The following IQSEC1 variants were observed in gnomAD, a reference collection of about 807,000 sequenced individuals.
IQSEC1 encodes IQ motif and SEC7 domain-containing protein 1.
In IQSEC1, 31 loss-of-function variants were observed where a neutral mutation model predicts 91.0. That is an observed-to-expected ratio of 0.34 (90% CI 0.26 to 0.46). IQSEC1 has a LOEUF of 0.46. Ranked by LOEUF, IQSEC1 falls within the 20% of genes least tolerant of loss-of-function variation. The pLI, the probability that IQSEC1 is intolerant of heterozygous loss-of-function variation, is 1.00. For synonymous variants in IQSEC1, 699 were observed against 662.6 expected, an observed-to-expected ratio of 1.05 and a Z score of -0.84; for missense variants, 1,388 against 1,575.6, an observed-to-expected ratio of 0.88 and a Z score of 2.02.
chr3:13,031,355 C>T (rs1208651815), intron 1 of IQSEC1, among the ~76,000 whole-genome samples: 1 of 152,246 alleles, frequency 6.6e-6, no homozygotes, highest in Non-Finnish European at 1.5e-5. Flanking sequence ...CCCCTGCCTA[C>T]AGCAGGGAGG....
At chr3:12,902,989 C>T (rs1383025650) in intron 12 of IQSEC1, among the ~76,000 whole-genome samples, 167 bp from the exon 13 acceptor site, 1 of 151,692 alleles carries the variant, frequency 6.6e-6, no homozygotes, top group African/African-American at 2.4e-5. Flanking sequence ...GGAGGAGGGG[C>T]TCAGTGGGGA....
intron 2 of IQSEC1, among the ~76,000 whole-genome samples, chr3:13,136,143 C>G (rs1242715843): frequency 6.6e-6 from 1 of 152,228 alleles, no homozygotes; most frequent in Non-Finnish European, 1.5e-5. Flanking sequence ...AGAATAGAAA[C>G]TTGGCTGAGG....
intron 7 of IQSEC1, 72 bp downstream of exon 7, chr3:12,915,522 G>A: frequency 5.8e-6 from 9 of 1,538,690 alleles, no homozygotes; most frequent in Middle Eastern, 3.5e-4. Flanking sequence ...GTGGGTGGGA[G>A]TGAGAAGGCC....
At chr3:13,226,991 G>A (rs1420987015) in intron 1 of IQSEC1, among the ~76,000 whole-genome samples, 2 of 152,114 alleles carry the variant, frequency 1.3e-5, no homozygotes, top group Non-Finnish European at 2.9e-5. Context: ...CTCCTCGTTT[G>A]GGATCGTTTG....
intron 1 of IQSEC1, among the ~76,000 whole-genome samples, chr3:13,218,666 T>A (rs1474314031): frequency 6.6e-6 from 1 of 151,974 alleles, no homozygotes; most frequent in African/African-American, 2.4e-5. Flanking sequence ...CAGGTGGAGG[T>A]GAGGGGTGGC....
At chr3:12,938,752 C>A (rs1172755833) in intron 2 of IQSEC1, among the ~76,000 whole-genome samples, 1 of 152,156 alleles carries the variant, frequency 6.6e-6, no homozygotes, top group Non-Finnish European at 1.5e-5. Context: ...CCCGCAGGGC[C>A]TTCTCACCTG....
rs1298083080 is a variant in IQSEC1 at position 12,900,459 on chromosome 3, ATATATATATT to A, written c.*514_*523del. 9.0e-5 allele frequency: 65 copies of A among 725,460 alleles called. No homozygotes were observed. The highest frequency in any genetic ancestry group is 8.9e-5 in the Non-Finnish European group (53 of 595,430). The allele number at this position is 725,460 out of a possible 1,614,324, so 44.9% of individuals were successfully genotyped here. A position where few individuals can be genotyped will look rare whatever the true frequency, so the allele number is the denominator to read the frequency against. ...CAAGTACTACCTATACAGTATATAT[ATATATATATT>A]TATATATTTATATATTTATATAAAG... On this transcript the variant is annotated 3_prime_UTR_variant, in exon 14 of 14. Transcript: ENST00000613206.
At chr3:13,199,659 T>G (rs1178904379) in intron 1 of IQSEC1, among the ~76,000 whole-genome samples, 1 of 152,104 alleles carries the variant, frequency 6.6e-6, no homozygotes, top group African/African-American at 2.4e-5. Context: ...CATATAGGCT[T>G]CCTGCGCCAC....
At chr3:13,210,258 G>A (rs1364390388) in intron 1 of IQSEC1, among the ~76,000 whole-genome samples, 2 of 152,034 alleles carry the variant, frequency 1.3e-5, no homozygotes, top group Non-Finnish European at 2.9e-5. Flanking sequence ...GACCCAGTGA[G>A]GTAGAATGAA....
chr3:12,987,638 T>G (rs893457714), intron 1 of IQSEC1, among the ~76,000 whole-genome samples: 1 of 152,182 alleles, frequency 6.6e-6, no homozygotes, highest in African/African-American at 2.4e-5. Flanking sequence ...CCCAACACCC[T>G]GTAAAGAGTG....
intron 1 of IQSEC1, among the ~76,000 whole-genome samples, chr3:13,228,292 T>TC (rs1559281539): frequency 1.3e-5 from 2 of 151,830 alleles, no homozygotes; most frequent in Non-Finnish European, 2.9e-5. Context: ...TCACTAAAGA[T>TC]CCCCATTTAC....
rs762320202 is a variant in IQSEC1, at chr3:12,967,075, C to T, written c.24-25210G>A. 5.9e-5 allele frequency among the ~76,000 whole-genome samples: 9 copies of T among 151,486 alleles called. No individual in the cohort carries two copies. The highest frequency in any genetic ancestry group is 1.0e-4 in the Non-Finnish European group (7 of 67,890). ...CCCCAAACTCAAACTCACCCCCACA[C>T]CAACTTGCACTCCAACAGGCCCTCG... On this transcript the variant is annotated intron_variant, in intron 1 of 13. Coordinates refer to ENST00000613206, the MANE Select transcript of IQSEC1 (RefSeq NM_001134382.3). This position sits in a 1 kb window ranked among gnomAD's most constrained non-coding sequence, Gnocchi z 5.9.
At chr3:13,217,386 T>C (rs950723760) in intron 1 of IQSEC1, among the ~76,000 whole-genome samples, 4 of 152,236 alleles carry the variant, frequency 2.6e-5, no homozygotes, top group African/African-American at 9.6e-5. Context: ...CACTTGGCAT[T>C]GTGTTTTTGA....
chr3:13,077,560 C>T (rs1705582118), upstream of IQSEC1, among the ~76,000 whole-genome samples: 1 of 152,258 alleles, frequency 6.6e-6, no homozygotes, highest in African/African-American at 2.4e-5. Context: ...CTCTTCCATG[C>T]TGAGTTCCCA....
At position 13,035,340 on chromosome 3, in the gene IQSEC1, C is replaced by A. The variant is rs186299755; in HGVS notation, c.23+37652G>T. Among the ~76,000 whole-genome samples, 296 of 152,330 alleles carry A rather than the reference C, an allele frequency of 1.9e-3. 2 individuals are homozygous for A. The highest frequency in any genetic ancestry group is 6.4e-3 in the African/African-American group (266 of 41,570). On this transcript the variant is annotated intron_variant, in intron 1 of 13. Transcript: ENST00000613206. Reference sequence around the variant, plus strand: ...AGACACTAGGCACCATCTGCACATCCTTCTCAGGACTCTTCTGCCAAGGAC... The same window carrying A: ...AGACACTAGGCACCATCTGCACATCATTCTCAGGACTCTTCTGCCAAGGAC...
chr3:13,022,233 G>A (rs1703433935), intron 1 of IQSEC1: 6 of 1,227,748 alleles, frequency 4.9e-6, no homozygotes, highest in Non-Finnish European at 6.1e-6. Context: ...GTAGGAAGAA[G>A]AAAGAAAAGC....
Position 13,073,061 on chromosome 3 carries a change from G to C in IQSEC1, c.-47C>G. ...CTGTTCTGGCTCCCTCTCCAGCGGG[G>C]AGGCTCAACGTGTTTCCAAGAGGAG... On this transcript the variant is annotated 5_prime_UTR_variant, in exon 1 of 14. Coordinates refer to ENST00000613206, the MANE Select transcript of IQSEC1 (RefSeq NM_001134382.3). 1 of 1,551,456 alleles carries C rather than the reference G, an allele frequency of 6.4e-7. No individual in the cohort carries two copies. Among genetic ancestry groups the C allele is most frequent in the Non-Finnish European group, 8.7e-7 (1 of 1,146,770 alleles).
intron 1 of IQSEC1, among the ~76,000 whole-genome samples, chr3:12,977,625 T>A (rs1174818635): frequency 6.6e-6 from 1 of 152,194 alleles, no homozygotes; most frequent in African/African-American, 2.4e-5. Context: ...CTGCCTTTTA[T>A]GTAGTGAGTT....
chr3:13,267,692 A>T (rs1255293095), intron 1 of IQSEC1, among the ~76,000 whole-genome samples: 1 of 144,732 alleles, frequency 6.9e-6, no homozygotes, highest in African/African-American at 2.6e-5. Context: ...ATCTCCGCTC[A>T]CTGCAAGCTC....
Sources: allele counts gnomAD v4.1 joint callset (sites outside exome capture counted in the v4.1 genomes callset), GRCh38; gene constraint gnomAD v4.1.1; non-coding constraint Gnocchi (gnomAD v3.1); transcripts MANE v1.5; gene names NCBI Gene and HGNC (gene_info 2026-07-23, HGNC 2026-07-21).